Variants in TOX2 observed in about 807,000 individuals in gnomAD.
TOX2 encodes the protein granulosa cell HMG box 1.
TOX2 carries 15 observed loss-of-function variants against 47.4 expected under a neutral mutation model. That is an observed-to-expected ratio of 0.32 (90% confidence interval 0.21 to 0.49). TOX2 has a LOEUF of 0.49. TOX2 is among the 20% of genes least tolerant of loss of function. The pLI is 0.99. For synonymous variants in TOX2, 290 were observed against 296.6 expected, an observed-to-expected ratio of 0.98 and a Z score of 0.23; for missense variants, 622 against 673.1, an observed-to-expected ratio of 0.92 and a Z score of 0.84.
At chr20:44,068,502 G>A (rs2071875203) in intron 8 of TOX2, 148 bp from the exon 9 acceptor site, 1 of 820,810 alleles carries the variant, frequency 1.2e-6, no homozygotes, top group South Asian at 2.0e-5. Flanking sequence ...GGGTGGGGGT[G>A]GGACTTGCAG....
chr20:43,998,259 C>CTT (rs1487210403), intron 2 of TOX2, among the ~76,000 whole-genome samples: 283 of 152,318 alleles, frequency 1.9e-3, no homozygotes, highest in Non-Finnish European at 3.2e-3. Flanking sequence ...CAGGCCCCTG[C>CTT]CTGAACTCTG....
At chr20:43,930,836 C>T (rs1292911920) in intron 1 of TOX2, among the ~76,000 whole-genome samples, 2 of 152,230 alleles carry the variant, frequency 1.3e-5, no homozygotes, top group African/African-American at 4.8e-5. Flanking sequence ...TCCCACGGTG[C>T]AGATTCAAGG....
intron 5 of TOX2, among the ~76,000 whole-genome samples, chr20:44,060,358 T>C (rs2071696552): frequency 6.6e-6 from 1 of 151,986 alleles, no homozygotes; most frequent in Non-Finnish European, 1.5e-5. Flanking sequence ...CAAGACAAAG[T>C]CAACAAAGAA....
intron 1 of TOX2, among the ~76,000 whole-genome samples, chr20:43,962,265 G>A (rs973276804): frequency 2.6e-5 from 4 of 152,222 alleles, no homozygotes; most frequent in African/African-American, 9.6e-5. Flanking sequence ...TGCCCATCAG[G>A]CCCGGCCCTC....
chr20:44,001,240 AC>A (rs2070577116), intron 2 of TOX2, among the ~76,000 whole-genome samples: 2 of 152,340 alleles, frequency 1.3e-5, no homozygotes, highest in Admixed American at 1.3e-4. Flanking sequence ...GGTCTGAATC[AC>A]AACCAGGACC....
chr20:43,964,277 T>C (rs979032868), intron 1 of TOX2, among the ~76,000 whole-genome samples: 8 of 152,154 alleles, frequency 5.3e-5, no homozygotes, highest in Non-Finnish European at 1.2e-4. Context: ...CCGTGCTCTA[T>C]TCCTGTTCCT....
intron 1 of TOX2, among the ~76,000 whole-genome samples, chr20:43,941,486 C>A (rs1435311357): frequency 6.6e-6 from 1 of 152,078 alleles, no homozygotes; most frequent in African/African-American, 2.4e-5. Flanking sequence ...GCATGTGCCA[C>A]CACACCTGGC....
rs373458500 is a variant in TOX2, at chr20:44,053,439, T to TATAC, written c.652-859_652-858insTACA. On this transcript the variant is annotated intron_variant, in intron 4 of 8. Coordinates refer to ENST00000341197, the MANE Select transcript of TOX2 (RefSeq NM_001098797.2). ...GCTCACAAGTGGGAGGGCAGATATA[T>TATAC]ACACACACACACACACACACACACA... 2.5e-3 allele frequency among the ~76,000 whole-genome samples: 353 copies of TATAC among 143,138 alleles called. 3 individuals carry two copies. The highest frequency in any genetic ancestry group is 7.8e-3 in the African/African-American group (295 of 37,836). 93.9% of individuals were successfully genotyped at this position (143,138 alleles called of 152,430 possible).
intron 1 of TOX2, among the ~76,000 whole-genome samples, chr20:43,960,143 G>T (rs2069734549): frequency 6.6e-6 from 1 of 152,224 alleles, no homozygotes; most frequent in African/African-American, 2.4e-5. Flanking sequence ...AATTAAGAGT[G>T]CCTGGCTTGT....
intron 2 of TOX2, among the ~76,000 whole-genome samples, chr20:43,988,197 C>T (rs1800338327): frequency 1.3e-5 from 2 of 152,132 alleles, no homozygotes; most frequent in African/African-American, 4.8e-5. Context: ...GGATTACAGG[C>T]GTGAGCCACC....
chr20:43,990,673 C>T (rs957273914), intron 2 of TOX2, among the ~76,000 whole-genome samples: 3 of 152,064 alleles, frequency 2.0e-5, no homozygotes, highest in Non-Finnish European at 4.4e-5. Flanking sequence ...TCCAGGAGGC[C>T]TTGGATGCCA....
intron 1 of TOX2, among the ~76,000 whole-genome samples, chr20:43,952,171 A>G (rs558925386): frequency 3.3e-5 from 5 of 151,962 alleles, no homozygotes; most frequent in African/African-American, 7.3e-5. Flanking sequence ...AAAGTGCTGG[A>G]ATTACAGGCG....
chr20:44,004,090 T>A (rs537095292), intron 2 of TOX2, among the ~76,000 whole-genome samples: 6 of 152,078 alleles, frequency 3.9e-5, no homozygotes, highest in Admixed American at 3.9e-4. Flanking sequence ...AGACATTTCA[T>A]TGGATTTGAG....
At chr20:43,928,315 G>T (rs2069204499) in intron 1 of TOX2, among the ~76,000 whole-genome samples, 1 of 152,168 alleles carries the variant, frequency 6.6e-6, no homozygotes, top group African/African-American at 2.4e-5. Flanking sequence ...GGTGTAGTTA[G>T]CTTCAATTCC....
rs572724931 is a variant in TOX2, at chr20:43,932,070, G to C, written c.99+17080G>C. ...GATGTATGCAGTTTGGGGATGAGTT[G>C]GATCTGGGGTATGGTGGAGAGTGGG... On this transcript the variant is annotated intron_variant, in intron 1 of 8. Transcript: ENST00000341197. 3.3e-4 allele frequency among the ~76,000 whole-genome samples: 51 copies of C among 152,266 alleles called. 1 individual carries two copies. The highest frequency in any genetic ancestry group is 9.1e-4 in the Admixed American group (14 of 15,306).
chr20:44,014,943 C>A (rs374835862), intron 3 of TOX2, among the ~76,000 whole-genome samples: 1 of 152,102 alleles, frequency 6.6e-6, no homozygotes, highest in Non-Finnish European at 1.5e-5. Flanking sequence ...AAAGCAACAG[C>A]GGAGTGACAG....
At chr20:44,033,664 T>G (rs1429979634) in intron 3 of TOX2, among the ~76,000 whole-genome samples, 1 of 149,836 alleles carries the variant, frequency 6.7e-6, no homozygotes, top group Non-Finnish European at 1.5e-5. Context: ...AGCCAAGGCA[T>G]GAGGATACGG....
intron 7 of TOX2, 150 bp from the exon 8 acceptor site, chr20:44,066,580 T>G: frequency 8.4e-7 from 1 of 1,188,040 alleles, no homozygotes; most frequent in East Asian, 2.4e-5. Flanking sequence ...TTTTGAAAGG[T>G]GCTCTACTGG....
chr20:43,943,874 C>A (rs1385858317), intron 1 of TOX2, among the ~76,000 whole-genome samples: 1 of 152,182 alleles, frequency 6.6e-6, no homozygotes, highest in Non-Finnish European at 1.5e-5. Flanking sequence ...TTTATCCAAT[C>A]CTCTATCGAT....
Sources: gnomAD v4.1 joint callset for allele counts (sites outside exome capture counted in the v4.1 genomes callset) on GRCh38, gnomAD v4.1.1 for gene constraint, MANE v1.5 for transcripts, NCBI Gene and HGNC (gene_info 2026-07-23, HGNC 2026-07-21) for gene names.